RGS7: variants seen among roughly 807,000 people sequenced by gnomAD.
The protein encoded by RGS7 is regulator of G-protein signaling 7.
A neutral mutation model predicts 81.1 loss-of-function variants in RGS7; 27 were observed. That is an observed-to-expected ratio of 0.33 (90% confidence interval 0.25 to 0.46). The LOEUF (loss-of-function observed/expected upper bound fraction) is 0.46, where lower values mean the gene tolerates loss of function less well. RGS7 is among the 20% of genes least tolerant of loss of function. The pLI, the probability that RGS7 is intolerant of heterozygous loss-of-function variation, is 1.00. For synonymous variants in RGS7, 208 were observed against 207.7 expected (o/e 1.00, Z -0.01); for missense variants, 396 against 607.4 (o/e 0.65, Z 3.66).
At chr1:241,063,940 TTGGGAGGCCAAGG>T (rs2061889477) in intron 3 of RGS7, among the ~76,000 whole-genome samples, 1 of 151,902 alleles carries the variant, frequency 6.6e-6, no homozygotes, top group Non-Finnish European at 1.5e-5. Flanking sequence ...TCCCAGCACT[TTGGGAGGCCAAGG>T]TGGGCGGATC....
chr1:240,998,529 G>C, intron 3 of RGS7: 2 of 956,498 alleles, frequency 2.1e-6, no homozygotes, highest in Non-Finnish European at 3.3e-6. Flanking sequence ...TCCTCAGCTG[G>C]AGCAGCAGCA....
intron 3 of RGS7, among the ~76,000 whole-genome samples, chr1:241,056,266 C>T (rs1340233073): frequency 6.6e-6 from 1 of 152,190 alleles, no homozygotes; most frequent in Non-Finnish European, 1.5e-5. Flanking sequence ...CCATTCATAT[C>T]TCAATTCAAG....
At chr1:240,909,824 A>G (rs1293175611) in intron 6 of RGS7, among the ~76,000 whole-genome samples, 1 of 152,124 alleles carries the variant, frequency 6.6e-6, no homozygotes, top group Non-Finnish European at 1.5e-5. Flanking sequence ...CTACTGGCAA[A>G]TGTTCTAGTA....
Position 241,009,593 on chromosome 1 carries a change from T to C in RGS7, c.176-26464A>G, listed in dbSNP as rs546932725. On this transcript the variant is annotated intron_variant, in intron 3 of 18. Coordinates refer to ENST00000440928, the MANE Select transcript of RGS7 (RefSeq NM_001364886.1). ...ATAGCCTTGGAGGTTAGAGTTCAAA[T>C]AGGAGGTACCATTCAGATTTCCCAG... Among the ~76,000 whole-genome samples the C allele has an allele frequency of 3.3e-4, 51 of 152,286 alleles. 1 individual carries two copies. Among genetic ancestry groups the C allele is most frequent in the Non-Finnish European group, 5.6e-4 (38 of 68,022 alleles).
chr1:241,236,004 TTC>T (rs1190744713), intron 2 of RGS7, among the ~76,000 whole-genome samples: 1 of 151,616 alleles, frequency 6.6e-6, no homozygotes. Context: ...TCCTCTCATT[TTC>T]TGTTTTTATA....
At chr1:241,151,470 G>A (rs56070838) in intron 2 of RGS7, among the ~76,000 whole-genome samples, 10,153 of 151,892 alleles carry the variant, frequency 0.067, 621 homozygotes, top group East Asian at 0.17. Context: ...CTGAAGAAGG[G>A]ATCCTAAACA....
intron 2 of RGS7, among the ~76,000 whole-genome samples, chr1:241,155,919 C>A (rs534500632): frequency 4.7e-4 from 72 of 152,202 alleles, no homozygotes; most frequent in Middle Eastern, 3.4e-3. Context: ...GCCTCAAGTA[C>A]TTCTTAGTCC....
intron 2 of RGS7, among the ~76,000 whole-genome samples, chr1:241,134,423 GTGTT>G (rs2067343835): frequency 6.6e-6 from 1 of 152,200 alleles, no homozygotes; most frequent in Non-Finnish European, 1.5e-5. Flanking sequence ...TGTGTGTGTG[GTGTT>G]TGAACACCTA....
intron 4 of RGS7, among the ~76,000 whole-genome samples, chr1:240,979,323 G>A (rs6663392): frequency 0.014 from 2,104 of 152,036 alleles, 62 homozygotes; most frequent in African/African-American, 0.048. Flanking sequence ...GTATATATAG[G>A]AAGAAAAGAC....
chr1:241,149,323 C>T (rs540143613), intron 2 of RGS7, among the ~76,000 whole-genome samples: 47 of 152,250 alleles, frequency 3.1e-4, no homozygotes, highest in African/African-American at 1.1e-3. Context: ...TGTGCCACCA[C>T]GCCCAGATAA....
At chr1:241,120,246 G>A (rs2066156659) in intron 2 of RGS7, among the ~76,000 whole-genome samples, 1 of 152,146 alleles carries the variant, frequency 6.6e-6, no homozygotes, top group Non-Finnish European at 1.5e-5. Context: ...CCAAGATTCT[G>A]CTCAAGTTCA....
intron 6 of RGS7, among the ~76,000 whole-genome samples, chr1:240,909,066 C>T (rs1186853575): frequency 6.6e-6 from 1 of 152,226 alleles, no homozygotes; most frequent in East Asian, 1.9e-4. Flanking sequence ...TGTGAATGCA[C>T]ACGTCCTTGG....
intron 2 of RGS7, among the ~76,000 whole-genome samples, chr1:241,320,176 T>C (rs2081127869): frequency 6.6e-6 from 1 of 152,220 alleles, no homozygotes; most frequent in African/African-American, 2.4e-5. Flanking sequence ...TACTTGTAGT[T>C]CCCTGAAGCA....
At chr1:241,116,814 A>T (rs1357690549) in intron 2 of RGS7, among the ~76,000 whole-genome samples, 1 of 152,172 alleles carries the variant, frequency 6.6e-6, no homozygotes, top group Non-Finnish European at 1.5e-5. Flanking sequence ...CCTTCCAGCT[A>T]TTTGAAATTA....
intron 6 of RGS7, chr1:240,919,713 T>A: frequency 1.6e-6 from 1 of 611,054 alleles, no homozygotes; most frequent in Non-Finnish European, 3.0e-6. Context: ...ATTGGAGGGC[T>A]GAGCTTTGAA....
intron 14 of RGS7, among the ~76,000 whole-genome samples, chr1:240,808,391 G>C (rs1208329063): frequency 2.6e-5 from 4 of 152,056 alleles, no homozygotes; most frequent in Non-Finnish European, 5.9e-5. Flanking sequence ...AATATAAAGG[G>C]GTTGAGAAGT....
At chr1:241,168,032 G>A (rs932469473) in intron 2 of RGS7, among the ~76,000 whole-genome samples, 1 of 152,156 alleles carries the variant, frequency 6.6e-6, no homozygotes, top group African/African-American at 2.4e-5. Flanking sequence ...TCTGTTATTT[G>A]CAAATGAACT....
At chr1:241,126,641 G>A (rs968978507) in intron 2 of RGS7, among the ~76,000 whole-genome samples, 11 of 152,112 alleles carry the variant, frequency 7.2e-5, no homozygotes, top group Admixed American at 1.3e-4. Context: ...TCCTTCTCAC[G>A]GAGTTATTAT....
chr1:240,872,087 C>A (rs1664592446), intron 6 of RGS7, among the ~76,000 whole-genome samples: 1 of 151,946 alleles, frequency 6.6e-6, no homozygotes, highest in Non-Finnish European at 1.5e-5. Context: ...ATACAGGTGT[C>A]CTATGATGTG....
Sources: allele counts gnomAD v4.1 joint callset (sites outside exome capture counted in the v4.1 genomes callset), GRCh38; gene constraint gnomAD v4.1.1; transcripts MANE v1.5; gene names NCBI Gene and HGNC (gene_info 2026-07-23, HGNC 2026-07-21).